Variants in F8 observed in about 807,000 individuals in gnomAD.
F8 encodes antihemophilic factor.
F8 carries 12 observed loss-of-function variants against 140.6 expected under a neutral mutation model. The ratio of observed to expected loss-of-function variants is 0.09; its 90% CI spans 0.05 to 0.14. The LOEUF (loss-of-function observed/expected upper bound fraction) is 0.14. F8 is among the 10% of genes least tolerant of loss of function. The pLI, the probability that F8 is intolerant of heterozygous loss-of-function variation, is 1.00. For synonymous variants in F8, 585 were observed against 614.6 expected (o/e 0.95, Z 0.71); for missense variants, 1,354 against 1,720.7 (o/e 0.79, Z 3.77).
intron 25 of F8, among the ~76,000 whole-genome samples, chrX:154,840,546 G>A (rs782293370): frequency 6.2e-5 from 7 of 112,051 alleles, no homozygotes; most frequent in African/African-American, 1.6e-4. Flanking sequence ...GGATGGGCTC[G>A]TTATTACTGC....
rs1557282374 is a variant in F8, at chrX:154,969,488, T to C, written c.852A>G (p.Glu284=). Residue 284 remains glutamate, a synonymous_variant, in exon 7 of 26, where the codon GAA becomes GAG. Transcript: ENST00000360256. Reference sequence around the variant, plus strand: ...GACCTTCGAGGAATATTGAGTGCACTTCAGGAGTGGTGCCCATTCCAATCA... The same window carrying C: ...GACCTTCGAGGAATATTGAGTGCACCTCAGGAGTGGTGCCCATTCCAATCA... The part of the protein sequence containing the change: ...WHVIGMGTTP[E]VHSIFLEGHT... The C allele has an allele frequency of 1.7e-6, 2 of 1,211,454 alleles. No individual in the cohort carries two copies. The highest frequency in any genetic ancestry group is 1.7e-5 in the African/African-American group (1 of 57,767).
At chrX:154,987,090 G>A (rs1233810075) in intron 5 of F8, 147 bp downstream of exon 5, 7 of 481,395 alleles carry the variant, frequency 1.5e-5, no homozygotes, top group South Asian at 3.8e-5. Flanking sequence ...CTGAGGTTAC[G>A]TTTTGTTTTC....
intron 22 of F8, among the ~76,000 whole-genome samples, chrX:154,874,051 C>T (rs1289901079): frequency 8.9e-6 from 1 of 112,423 alleles, no homozygotes; most frequent in Non-Finnish European, 1.9e-5. Context: ...AGTGAAAAGA[C>T]AACCTATGGA....
chrX:154,899,784 A>T, intron 21 of F8, 82 bp downstream of exon 21: 1 of 926,644 alleles, frequency 1.1e-6, no homozygotes, highest in East Asian at 3.1e-5. Context: ...ATATTCATAG[A>T]ATCCTTTGAG....
rs149853218 is a variant in F8 at position 154,930,796 on chromosome X, A to C, written c.2994T>G (p.His998Gln). Residue 998 changes from histidine to glutamine, a missense_variant, in exon 14 of 26, where the codon CAT becomes CAG. Physicochemically the swap from His to Gln is conservative, Grantham distance 24 (BLOSUM62 0). Transcript: ENST00000360256. ...SGRLFKGKRAHGPALLTKDNA... is the reference protein window; with the variant it reads ...SGRLFKGKRAQGPALLTKDNA... ...TATCTTTAGTCAACAAAGCAGGTCC[A>C]TGAGCTCTTTTCCCTTTAAATAACC... 7.7e-4 allele frequency: 931 copies of C among 1,209,531 alleles called. 6 individuals are homozygous for C. In the African/African-American group the frequency reaches 0.014, roughly 18 times the overall value.
chrX:154,925,062 GCTC>G (rs2073153452), intron 14 of F8, among the ~76,000 whole-genome samples: 1 of 112,171 alleles, frequency 8.9e-6, no homozygotes, highest in Admixed American at 9.4e-5. Context: ...TTAACATTCG[GCTC>G]CTCATTACTT....
chrX:154,856,440 C>T (rs2072651831), intron 25 of F8, among the ~76,000 whole-genome samples: 1 of 112,530 alleles, frequency 8.9e-6, no homozygotes, highest in Admixed American at 9.4e-5. Context: ...TAAGGGACAG[C>T]AGAGTCAAAG....
intron 1 of F8, among the ~76,000 whole-genome samples, chrX:155,012,365 A>G (rs1220247481): frequency 8.9e-6 from 1 of 111,914 alleles, no homozygotes; most frequent in Admixed American, 9.5e-5. Context: ...GCTGGAGTGC[A>G]GTAGCATGAT....
At chrX:154,980,922 G>T (rs917252900) in intron 6 of F8, among the ~76,000 whole-genome samples, 5 of 112,228 alleles carry the variant, frequency 4.5e-5, no homozygotes, top group Non-Finnish European at 7.5e-5. Context: ...AGTAATCTAT[G>T]ATCGCACCAC....
At chrX:154,905,744 GAAAGTGTCAA>G (rs1218850595) in intron 15 of F8, among the ~76,000 whole-genome samples, 34 of 111,399 alleles carry the variant, frequency 3.1e-4, no homozygotes, top group African/African-American at 1.0e-3. Flanking sequence ...TAAAAGCAAT[GAAAGTGTCAA>G]AAAGTAAAGA....
At chrX:154,839,402 G>T (rs914994942) in intron 25 of F8, among the ~76,000 whole-genome samples, 3 of 101,695 alleles carry the variant, frequency 2.9e-5, no homozygotes, top group South Asian at 4.5e-4. Context: ...TCGCTCTGTC[G>T]CCCAGGCTGG....
At position 154,934,855 on chromosome X, in the gene F8, A is replaced by G. The variant is rs1006607426; in HGVS notation, c.2114-3179T>C. Among the ~76,000 whole-genome samples the G allele has an allele frequency of 3.6e-5, 4 of 111,763 alleles. No homozygotes were observed. In the East Asian group the frequency reaches 8.4e-4, roughly 24 times the overall value. On this transcript the variant is annotated intron_variant, in intron 13 of 25. Coordinates refer to ENST00000360256, the MANE Select transcript of F8 (RefSeq NM_000132.4). ...TAAGCAAAAAGGATCAAGATACTAC[A>G]AGATAAAAGGAAGAAAGGAACAACA...
At chrX:154,873,240 T>G (rs183255581) in intron 22 of F8, among the ~76,000 whole-genome samples, 7 of 109,058 alleles carry the variant, frequency 6.4e-5, no homozygotes, top group Non-Finnish European at 9.6e-5. Flanking sequence ...TTTTTTTTTT[T>G]TTTTGAGACA....
At chrX:154,972,786 G>A (rs1557282710) in intron 6 of F8, among the ~76,000 whole-genome samples, 1 of 98,382 alleles carries the variant, frequency 1.0e-5, no homozygotes, top group Non-Finnish European at 2.0e-5. Context: ...CACGATCTAG[G>A]CTCACTGCAG....
At position 154,948,808 on chromosome X, in the gene F8, C is replaced by T. The variant is rs187826665; in HGVS notation, c.1904-901G>A. ...CACAAACCACTAAGCAATACTTAGA[C>T]ATTGGCTTAGTATAACTAATTAATA... On this transcript the variant is annotated intron_variant, in intron 12 of 25. Coordinates refer to ENST00000360256, the MANE Select transcript of F8 (RefSeq NM_000132.4). 3.3e-3 allele frequency among the ~76,000 whole-genome samples: 367 copies of T among 111,904 alleles called. 2 individuals are homozygous for T. The highest frequency in any genetic ancestry group is 0.011 in the African/African-American group (350 of 30,828).
chrX:154,987,729 T>A (rs1485667967), intron 4 of F8, among the ~76,000 whole-genome samples: 1 of 111,990 alleles, frequency 8.9e-6, no homozygotes, highest in African/African-American at 3.2e-5. Flanking sequence ...ATACTCATGA[T>A]TTTTTTTCAA....
chrX:154,990,546 C>G (rs917744427), intron 4 of F8, among the ~76,000 whole-genome samples: 8 of 112,082 alleles, frequency 7.1e-5, no homozygotes, highest in Non-Finnish European at 1.5e-4. Flanking sequence ...TCACAATGTT[C>G]TATCTTTGCT....
intron 3 of F8, among the ~76,000 whole-genome samples, chrX:154,993,508 T>A (rs1198346541): frequency 9.0e-6 from 1 of 111,694 alleles, no homozygotes; most frequent in African/African-American, 3.3e-5. Flanking sequence ...CGCCTCAGCC[T>A]CCCAAAGTGC....
At chrX:155,003,167 C>T (rs2073656609) in intron 1 of F8, among the ~76,000 whole-genome samples, 1 of 111,627 alleles carries the variant, frequency 9.0e-6, no homozygotes, top group African/African-American at 3.3e-5. Flanking sequence ...ATTTTTTAAA[C>T]TATGATTAAT....
Sources: allele counts gnomAD v4.1 joint callset (sites outside exome capture counted in the v4.1 genomes callset), GRCh38; gene constraint gnomAD v4.1.1; transcripts MANE v1.5; gene names NCBI Gene and HGNC (gene_info 2026-07-23, HGNC 2026-07-21).